Variants in ERC2 observed in about 807,000 individuals in gnomAD.
ERC2 encodes ERC protein 2.
In ERC2, 42 loss-of-function variants were observed where a neutral mutation model predicts 114.8. The ratio of observed to expected loss-of-function variants is 0.37; its 90% CI spans 0.29 to 0.47. The LOEUF (loss-of-function observed/expected upper bound fraction) is 0.47, where lower values mean the gene tolerates loss of function less well. ERC2 is among the 20% of genes least tolerant of loss of function. The pLI is 0.99. For missense variants in ERC2, 939 were observed against 1,150.7 expected, an observed-to-expected ratio of 0.82 and a Z score of 2.66; for synonymous variants, 454 against 425.5, an observed-to-expected ratio of 1.07 and a Z score of -0.82.
chr3:55,994,400 A>G (rs1388590407), intron 10 of ERC2, among the ~76,000 whole-genome samples: 1 of 152,132 alleles, frequency 6.6e-6, no homozygotes, highest in Non-Finnish European at 1.5e-5. Flanking sequence ...AAGTGGGTAC[A>G]GGATTACTAG....
At chr3:55,859,114 C>G (rs759564860) in intron 14 of ERC2, among the ~76,000 whole-genome samples, 76 of 152,196 alleles carry the variant, frequency 5.0e-4, no homozygotes, top group Non-Finnish European at 6.5e-4. Context: ...TAGCGTCCAG[C>G]TCTCATACTC....
chr3:55,816,766 C>CA (rs1231280244), intron 14 of ERC2, among the ~76,000 whole-genome samples: 1 of 149,802 alleles, frequency 6.7e-6, no homozygotes, highest in East Asian at 1.9e-4. Context: ...AAAACAAAAA[C>CA]AAAAACAAAA....
At chr3:55,804,974 C>A (rs1308795273) in intron 14 of ERC2, among the ~76,000 whole-genome samples, 1 of 151,890 alleles carries the variant, frequency 6.6e-6, no homozygotes, top group African/African-American at 2.4e-5. Context: ...ACATTAAAAG[C>A]CACAGTGCCA....
intron 17 of ERC2, among the ~76,000 whole-genome samples, chr3:55,546,856 A>G (rs535856681): frequency 1.9e-3 from 287 of 152,296 alleles, no homozygotes; most frequent in Non-Finnish European, 2.1e-3. Context: ...GTTTGGGCTC[A>G]ATGATTTATT....
At chr3:56,168,968 C>G (rs2082471351) in intron 4 of ERC2, among the ~76,000 whole-genome samples, 1 of 152,148 alleles carries the variant, frequency 6.6e-6, no homozygotes, top group African/African-American at 2.4e-5. Flanking sequence ...AAAAAAAAAG[C>G]CTGGTGGGGA....
intron 14 of ERC2, among the ~76,000 whole-genome samples, chr3:55,879,629 T>C (rs964397744): frequency 2.0e-5 from 3 of 152,200 alleles, no homozygotes; most frequent in African/African-American, 4.8e-5. Context: ...TACACATACA[T>C]GTCTGTTAGG....
chr3:55,798,791 C>T (rs568331119), intron 14 of ERC2, among the ~76,000 whole-genome samples: 3 of 151,832 alleles, frequency 2.0e-5, no homozygotes, highest in South Asian at 4.2e-4. Context: ...TTCAGAGAAA[C>T]GAAAATTGAA....
intron 6 of ERC2, among the ~76,000 whole-genome samples, chr3:56,105,257 C>T (rs983758350): frequency 1.3e-5 from 2 of 152,096 alleles, no homozygotes; most frequent in East Asian, 3.9e-4. Flanking sequence ...ACCTGGGTGT[C>T]ACTGTGAAGA....
intron 12 of ERC2, among the ~76,000 whole-genome samples, chr3:55,953,323 C>G (rs1173771621): frequency 6.6e-6 from 1 of 152,088 alleles, no homozygotes; most frequent in Non-Finnish European, 1.5e-5. Flanking sequence ...ACAACAGTGA[C>G]TGAAAATGGA....
chr3:55,983,402 T>A (rs1026515508), intron 12 of ERC2, among the ~76,000 whole-genome samples: 6 of 152,164 alleles, frequency 3.9e-5, no homozygotes, highest in Non-Finnish European at 8.8e-5. Flanking sequence ...AATACAGAGA[T>A]CCTGACAAAC....
chr3:55,967,831 T>C lies in ERC2; in HGVS notation c.2268-17271A>G, dbSNP rs181837752. ...GGACAAGTTCAGCCCTCTCTCACCG[T>C]TTCTGTTGTACTCTCTTGCCCTCTC... On this transcript the variant is annotated intron_variant, in intron 12 of 17. Coordinates refer to ENST00000288221, the MANE Select transcript of ERC2 (RefSeq NM_015576.3). Among the ~76,000 whole-genome samples, 651 of 152,250 alleles carry C rather than the reference T, an allele frequency of 4.3e-3. 5 individuals are homozygous for C. Among genetic ancestry groups the C allele is most frequent in the African/African-American group, 0.015 (626 of 41,558 alleles).
intron 13 of ERC2, 106 bp downstream of exon 13, chr3:55,950,319 G>A (rs2067410346): frequency 7.0e-7 from 1 of 1,420,988 alleles, no homozygotes; most frequent in African/African-American, 1.4e-5. Context: ...TCAGGGCAAA[G>A]GCAAAGTCCA....
chr3:55,808,711 AT>A (rs1319655367), intron 14 of ERC2, among the ~76,000 whole-genome samples: 1 of 87,728 alleles, frequency 1.1e-5, no homozygotes, highest in African/African-American at 5.2e-5. Context: ...TTATATATAT[AT>A]ATATATATAT....
At chr3:56,411,760 G>A (rs2060948647) in intron 2 of ERC2, among the ~76,000 whole-genome samples, 1 of 152,150 alleles carries the variant, frequency 6.6e-6, no homozygotes, top group Non-Finnish European at 1.5e-5. Context: ...GGGCTGGTGA[G>A]TAGCAGAGCC....
chr3:55,941,882 C>A (rs538276972), intron 13 of ERC2, among the ~76,000 whole-genome samples: 2 of 152,234 alleles, frequency 1.3e-5, no homozygotes, highest in Non-Finnish European at 2.9e-5. Flanking sequence ...TTTAGTTACC[C>A]TAGTTTTAAA....
intron 14 of ERC2, among the ~76,000 whole-genome samples, chr3:55,833,445 G>A (rs925695277): frequency 2.6e-5 from 4 of 151,852 alleles, no homozygotes; most frequent in Admixed American, 6.6e-5. Context: ...AGAGAGTGGG[G>A]GCCAATATTC....
At chr3:55,900,840 A>T (rs1031598113) in intron 13 of ERC2, among the ~76,000 whole-genome samples, 1 of 152,258 alleles carries the variant, frequency 6.6e-6, no homozygotes, top group Admixed American at 6.5e-5. Flanking sequence ...AAAGGTAATC[A>T]TTACTGGTGA....
At chr3:56,136,226 C>T (rs985515772) in intron 6 of ERC2, among the ~76,000 whole-genome samples, 2 of 152,124 alleles carry the variant, frequency 1.3e-5, no homozygotes, top group South Asian at 4.2e-4. Flanking sequence ...AGAGATGAAC[C>T]GTTAAGCCAT....
chr3:55,789,317 C>G (rs919819594), intron 14 of ERC2, among the ~76,000 whole-genome samples: 1 of 152,224 alleles, frequency 6.6e-6, no homozygotes, highest in Non-Finnish European at 1.5e-5. Context: ...CATAGGGAAG[C>G]TGAGAGTCTT....
Sources: allele counts gnomAD v4.1 joint callset (sites outside exome capture counted in the v4.1 genomes callset), GRCh38; gene constraint gnomAD v4.1.1; transcripts MANE v1.5; gene names NCBI Gene and HGNC (gene_info 2026-07-23, HGNC 2026-07-21).